Variants in TM4SF20 observed in about 807,000 individuals in gnomAD.
TM4SF20 encodes the protein transmembrane 4 L6 family member 20.
In TM4SF20, 13 loss-of-function variants were observed where a neutral mutation model predicts 15.1. That is an observed-to-expected ratio of 0.86 (90% CI 0.56 to 1.36). TM4SF20 has a LOEUF of 1.36. TM4SF20 is among the 40% of genes most tolerant of loss of function. The probability of loss-of-function intolerance (pLI) is 0.00; values close to 1 mark genes in which losing one functional copy is unlikely to be tolerated. For missense variants in TM4SF20, 282 were observed against 268.4 expected, an observed-to-expected ratio of 1.05 and a Z score of -0.35; for synonymous variants, 92 against 96.6, an observed-to-expected ratio of 0.95 and a Z score of 0.28.
intron 1 of TM4SF20, among the ~76,000 whole-genome samples, chr2:227,375,405 C>CA (rs543685273): frequency 5.9e-5 from 9 of 151,636 alleles, no homozygotes; most frequent in South Asian, 4.2e-4. Flanking sequence ...AAACAATGAC[C>CA]AAAAAAAACC....
In TM4SF20 at chr2:227,362,770, A is replaced by G. The variant is rs1396255947; in HGVS notation, c.*954T>C. On this transcript the variant is annotated 3_prime_UTR_variant, in exon 4 of 4. Transcript: ENST00000304568. ...AATCCAAAAAAATGTGAAAGCCAAA[A>G]CACTTCTGATCTTAATCATTTTGGA... The G allele has an allele frequency of 1.3e-5, 2 of 152,214 alleles. No individual in the cohort carries two copies. Among genetic ancestry groups the G allele is most frequent in the Admixed American group, 6.5e-5 (1 of 15,278 alleles). 9.4% of individuals were successfully genotyped at this position (152,214 alleles called of 1,614,324 possible). A position where few individuals can be genotyped will look rare whatever the true frequency, so the allele number is the denominator to read the frequency against.
chr2:227,376,557 TAG>T (rs1487106680), intron 1 of TM4SF20, among the ~76,000 whole-genome samples: 3 of 152,234 alleles, frequency 2.0e-5, no homozygotes, highest in Admixed American at 2.0e-4. Context: ...TACAGAATAA[TAG>T]AGATAGTCTG....
At chr2:227,377,093 C>A (rs936348017) in intron 1 of TM4SF20, among the ~76,000 whole-genome samples, 1 of 151,892 alleles carries the variant, frequency 6.6e-6, no homozygotes, top group Admixed American at 6.6e-5. Context: ...TATGTGTCAT[C>A]GCCACCTCCG....
At position 227,379,079 on chromosome 2, in the gene TM4SF20, C is replaced by A. The variant is rs777466256; in HGVS notation, c.183+7G>T. 6.2e-7 allele frequency: 1 copy of A among 1,612,408 alleles called. No individual in the cohort carries two copies. The highest frequency in any genetic ancestry group is 1.7e-5 in the Admixed American group (1 of 59,722). On this transcript the variant is annotated splice_region_variant and intron_variant, in intron 1 of 3. Coordinates refer to ENST00000304568, the MANE Select transcript of TM4SF20 (RefSeq NM_024795.4). ...TCTTCACATCAAGTCAAATAAATAT[C>A]ACTCACCATCAGACCTGCTCCTATA...
At chr2:227,376,870 G>A (rs111927497) in intron 1 of TM4SF20, among the ~76,000 whole-genome samples, 16 of 152,166 alleles carry the variant, frequency 1.1e-4, no homozygotes, top group African/African-American at 3.9e-4. Flanking sequence ...CTTTCTATCT[G>A]CTGGCCTATA....
At chr2:227,365,513 AATTTGG>A (rs1172322042) in intron 3 of TM4SF20, among the ~76,000 whole-genome samples, 1 of 152,212 alleles carries the variant, frequency 6.6e-6, no homozygotes, top group Non-Finnish European at 1.5e-5. Context: ...CATGACTTAA[AATTTGG>A]ATTCATTCCC....
At chr2:227,378,840 A>G (rs1242086139) in intron 1 of TM4SF20, among the ~76,000 whole-genome samples, 1 of 152,218 alleles carries the variant, frequency 6.6e-6, no homozygotes, top group Non-Finnish European at 1.5e-5. Flanking sequence ...TGTGAGAGAT[A>G]ATAACCCAGC....
chr2:227,379,120 C>CA lies in TM4SF20; in HGVS notation c.148dup (p.Trp50LeufsTer68). The CA allele has an allele frequency of 6.2e-7, 1 of 1,614,160 alleles. No individual in the cohort carries two copies. Among genetic ancestry groups the CA allele is most frequent in the Non-Finnish European group, 8.5e-7 (1 of 1,180,024 alleles). On this transcript the variant is annotated frameshift_variant, in exon 1 of 4. Coordinates refer to ENST00000304568, the MANE Select transcript of TM4SF20 (RefSeq NM_024795.4). LOFTEE classifies it high-confidence loss of function. Reference sequence around the variant, plus strand: ...TGCTCCTATAATTCCTGGGAACCACCACTCAAAGCAAGAGATGGGGTTTTG... The same window carrying CA: ...TGCTCCTATAATTCCTGGGAACCACCAACTCAAAGCAAGAGATGGGGTTTTG...
chr2:227,374,123 A>G (rs2076435124), intron 1 of TM4SF20, among the ~76,000 whole-genome samples: 1 of 150,090 alleles, frequency 6.7e-6, no homozygotes, highest in African/African-American at 2.4e-5. Flanking sequence ...GTGGATTGAC[A>G]TTACAACTTA....
intron 2 of TM4SF20, among the ~76,000 whole-genome samples, chr2:227,369,895 T>C (rs1049316562): frequency 5.3e-4 from 80 of 152,314 alleles, no homozygotes; most frequent in African/African-American, 1.7e-3. Flanking sequence ...TCCAGTGGGT[T>C]TGGATAAAAA....
intron 1 of TM4SF20, among the ~76,000 whole-genome samples, chr2:227,377,406 C>G (rs1349533420): frequency 6.6e-6 from 1 of 152,160 alleles, no homozygotes; most frequent in Non-Finnish European, 1.5e-5. Context: ...TGTCTCTCAG[C>G]CTGGAAGAGA....
upstream of TM4SF20, among the ~76,000 whole-genome samples, chr2:227,380,798 A>T (rs546928771): frequency 1.6e-4 from 24 of 152,304 alleles, no homozygotes; most frequent in African/African-American, 5.5e-4. Context: ...GCTCAGGCGT[A>T]GTAGGCTTAG....
At chr2:227,372,634 T>C (rs1456373690) in intron 1 of TM4SF20, among the ~76,000 whole-genome samples, 2 of 151,208 alleles carry the variant, frequency 1.3e-5, no homozygotes, top group Admixed American at 1.3e-4. Context: ...AGCGAGACTC[T>C]ATCTCAAAAA....
At chr2:227,369,282 G>A (rs2106490972) in intron 2 of TM4SF20, among the ~76,000 whole-genome samples, 1 of 152,196 alleles carries the variant, frequency 6.6e-6, no homozygotes, top group East Asian at 1.9e-4. Context: ...GAAATATCTG[G>A]TTTGTTTTTT....
chr2:227,363,653 A>G lies in TM4SF20; in HGVS notation c.*71T>C. ...GTTGATTTTTTAAATCATCTCAAAG[A>G]TGACTTTGAAAACAAGTGTACTTCT... is the stretch of plus-strand genomic sequence containing the variant. On this transcript the variant is annotated 3_prime_UTR_variant, in exon 4 of 4. Coordinates refer to ENST00000304568, the MANE Select transcript of TM4SF20 (RefSeq NM_024795.4). The G allele has an allele frequency of 6.9e-7, 1 of 1,453,184 alleles. No homozygotes were observed. The highest frequency in any genetic ancestry group is 9.3e-7 in the Non-Finnish European group (1 of 1,075,456). 90.0% of individuals were successfully genotyped at this position (1,453,184 alleles called of 1,614,324 possible). A position where few individuals can be genotyped will look rare whatever the true frequency, so the allele number is the denominator to read the frequency against.
At position 227,363,215 on chromosome 2, in the gene TM4SF20, G is replaced by A. The variant is rs1392578573; in HGVS notation, c.*509C>T. 1 of 152,692 alleles carries A rather than the reference G, an allele frequency of 6.5e-6. No individual in the cohort carries two copies. Among genetic ancestry groups the A allele is most frequent in the African/African-American group, 2.4e-5 (1 of 41,386 alleles). The allele number at this position is 152,692 out of a possible 1,614,324, so 9.5% of individuals were successfully genotyped here. A position where few individuals can be genotyped will look rare whatever the true frequency, so the allele number is the denominator to read the frequency against. On this transcript the variant is annotated 3_prime_UTR_variant, in exon 4 of 4. Coordinates refer to ENST00000304568, the MANE Select transcript of TM4SF20 (RefSeq NM_024795.4). ...AGATCACTTGAGTCCATGAGTTCGG[G>A]ACCAGCCTGGGCAATATGGAAAACC...
chr2:227,369,366 G>A (rs1464192919), intron 2 of TM4SF20, among the ~76,000 whole-genome samples: 2 of 151,078 alleles, frequency 1.3e-5, no homozygotes, highest in South Asian at 2.1e-4. Flanking sequence ...AATCTCTGGC[G>A]GCCACCCAGG....
In TM4SF20 at chr2:227,362,773, C is replaced by T. The variant is rs944735314; in HGVS notation, c.*951G>A. The T allele has an allele frequency of 6.6e-6, 1 of 152,180 alleles. No homozygotes were observed. Among genetic ancestry groups the T allele is most frequent in the African/African-American group, 2.4e-5 (1 of 41,452 alleles). 9.4% of individuals were successfully genotyped at this position (152,180 alleles called of 1,614,324 possible). A position where few individuals can be genotyped will look rare whatever the true frequency, so the allele number is the denominator to read the frequency against. ...CCAAAAAAATGTGAAAGCCAAAACA[C>T]TTCTGATCTTAATCATTTTGGATAA... is the stretch of plus-strand genomic sequence containing the variant. On this transcript the variant is annotated 3_prime_UTR_variant, in exon 4 of 4. Transcript: ENST00000304568.
At chr2:227,366,935 G>A (rs2076396394) in intron 2 of TM4SF20, among the ~76,000 whole-genome samples, 3 of 151,912 alleles carry the variant, frequency 2.0e-5, no homozygotes, top group South Asian at 2.1e-4. Flanking sequence ...GCTCGCAAGC[G>A]TTTGGCCCTG....
Sources: allele counts gnomAD v4.1 joint callset (sites outside exome capture counted in the v4.1 genomes callset), GRCh38; gene constraint gnomAD v4.1.1; transcripts MANE v1.5; gene names NCBI Gene and HGNC (gene_info 2026-07-23, HGNC 2026-07-21).